NOL4: variants seen among roughly 807,000 people sequenced by gnomAD.
NOL4 encodes cancer/testis antigen 125.
A neutral mutation model predicts 75.9 loss-of-function variants in NOL4; 17 were observed. The ratio of observed to expected loss-of-function variants is 0.22; its 90% CI spans 0.15 to 0.34. The LOEUF (loss-of-function observed/expected upper bound fraction) is 0.34. Ranked by LOEUF, NOL4 falls within the 10% of genes least tolerant of loss-of-function variation. The pLI is 1.00. For missense variants in NOL4, 614 were observed against 793.5 expected, an observed-to-expected ratio of 0.77 and a Z score of 2.72; for synonymous variants, 292 against 289.9, an observed-to-expected ratio of 1.01 and a Z score of -0.07.
chr18:34,021,677 T>TA (rs2075046282), intron 5 of NOL4, among the ~76,000 whole-genome samples: 1 of 152,128 alleles, frequency 6.6e-6, no homozygotes, highest in Non-Finnish European at 1.5e-5. Context: ...TCATCTAATT[T>TA]GGCATATTTA....
chr18:34,205,152 G>A (rs2036032343), intron 1 of NOL4, among the ~76,000 whole-genome samples: 1 of 152,214 alleles, frequency 6.6e-6, no homozygotes, highest in African/African-American at 2.4e-5. Flanking sequence ...AGAATCCTAA[G>A]CTTTCAAGCT....
At chr18:34,217,583 G>A (rs1439904777) in intron 1 of NOL4, among the ~76,000 whole-genome samples, 2 of 152,032 alleles carry the variant, frequency 1.3e-5, no homozygotes, top group East Asian at 3.9e-4. Flanking sequence ...CACCGCGCTT[G>A]ACCTTGTATT....
rs186406371 is a variant in NOL4, at chr18:34,196,617, T to C, written c.264+26373A>G. 2.4e-4 allele frequency among the ~76,000 whole-genome samples: 36 copies of C among 152,244 alleles called. No individual in the cohort carries two copies. In the East Asian group the frequency reaches 5.6e-3, roughly 24 times the overall value. On this transcript the variant is annotated intron_variant, in intron 1 of 10. Transcript: ENST00000261592. Reference sequence around the variant, plus strand: ...TCTGAGAGGGTTTATTCACACTTTGTTAACTGCAAAACATGTATTTGCAGC... The same window carrying C: ...TCTGAGAGGGTTTATTCACACTTTGCTAACTGCAAAACATGTATTTGCAGC...
At chr18:34,026,487 C>T (rs936094720) in intron 5 of NOL4, among the ~76,000 whole-genome samples, 2 of 152,136 alleles carry the variant, frequency 1.3e-5, no homozygotes, top group Non-Finnish European at 2.9e-5. Flanking sequence ...TTATCAATTC[C>T]AGAGTTGCTT....
intron 5 of NOL4, among the ~76,000 whole-genome samples, chr18:34,034,588 A>C (rs1030692987): frequency 6.6e-6 from 1 of 152,068 alleles, no homozygotes; most frequent in African/African-American, 2.4e-5. Flanking sequence ...AAAATACAAA[A>C]ATCAGCTGGG....
intron 5 of NOL4, among the ~76,000 whole-genome samples, chr18:34,034,901 A>T (rs2075817720): frequency 6.6e-6 from 1 of 152,184 alleles, no homozygotes; most frequent in Admixed American, 6.5e-5. Flanking sequence ...CAGCTAGAGG[A>T]TATAAACATT....
chr18:34,173,610 T>C (rs1007724108), intron 1 of NOL4, among the ~76,000 whole-genome samples: 8 of 152,158 alleles, frequency 5.3e-5, no homozygotes, highest in Non-Finnish European at 1.2e-4. Flanking sequence ...AAGGAAAAAA[T>C]CAATTTCCCT....
chr18:33,913,996 C>A (rs1289147165), intron 9 of NOL4, among the ~76,000 whole-genome samples: 1 of 152,072 alleles, frequency 6.6e-6, no homozygotes, highest in Non-Finnish European at 1.5e-5. Flanking sequence ...ATAAACATAG[C>A]ACGAAGTGCC....
At chr18:33,873,910 C>A (rs975289902) in intron 10 of NOL4, among the ~76,000 whole-genome samples, 4 of 151,772 alleles carry the variant, frequency 2.6e-5, no homozygotes, top group African/African-American at 9.7e-5. Flanking sequence ...TAAACAGAAA[C>A]GGTATCTTAG....
intron 5 of NOL4, among the ~76,000 whole-genome samples, chr18:34,026,549 C>T (rs189055978): frequency 6.6e-6 from 1 of 152,270 alleles, no homozygotes; most frequent in Non-Finnish European, 1.5e-5. Context: ...GTAAATAGTG[C>T]CTAGTGTTAA....
At chr18:33,913,668 C>T (rs1007714237) in intron 9 of NOL4, among the ~76,000 whole-genome samples, 2 of 151,996 alleles carry the variant, frequency 1.3e-5, no homozygotes, top group Non-Finnish European at 2.9e-5. Flanking sequence ...TAGACATATC[C>T]AGGGTCACAC....
At chr18:33,881,178 G>A (rs1443424137) in intron 10 of NOL4, among the ~76,000 whole-genome samples, 1 of 151,034 alleles carries the variant, frequency 6.6e-6, no homozygotes, top group Non-Finnish European at 1.5e-5. Flanking sequence ...TCTGTTGCTG[G>A]TGTATAAGAA....
intron 9 of NOL4, among the ~76,000 whole-genome samples, chr18:33,942,537 A>G (rs1399871189): frequency 1.3e-5 from 2 of 151,924 alleles, no homozygotes; most frequent in Non-Finnish European, 2.9e-5. Flanking sequence ...ACAATAAATG[A>G]TTAATTAATG....
intron 5 of NOL4, among the ~76,000 whole-genome samples, chr18:34,092,372 T>C (rs1478268146): frequency 2.6e-5 from 4 of 152,196 alleles, no homozygotes; most frequent in Non-Finnish European, 5.9e-5. Flanking sequence ...AATCAATGCA[T>C]TCCTCATTTT....
At chr18:34,061,741 A>G (rs1242900517) in intron 5 of NOL4, among the ~76,000 whole-genome samples, 1 of 152,162 alleles carries the variant, frequency 6.6e-6, no homozygotes, top group African/African-American at 2.4e-5. Context: ...TCAGTTTATT[A>G]TAATATTTAC....
intron 10 of NOL4, among the ~76,000 whole-genome samples, chr18:33,879,321 T>A (rs2144619065): frequency 6.6e-6 from 1 of 152,174 alleles, no homozygotes; most frequent in South Asian, 2.1e-4. Flanking sequence ...ATTCCATGAA[T>A]GTTGGCATTC....
At chr18:33,979,950 G>A (rs762838686) in intron 6 of NOL4, among the ~76,000 whole-genome samples, 1 of 151,972 alleles carries the variant, frequency 6.6e-6, no homozygotes, top group Non-Finnish European at 1.5e-5. Context: ...GTATTTAAAT[G>A]CCACAAAATT....
At chr18:34,192,723 C>T (rs994850749) in intron 1 of NOL4, among the ~76,000 whole-genome samples, 3 of 152,178 alleles carry the variant, frequency 2.0e-5, no homozygotes, top group African/African-American at 7.2e-5. Context: ...TTCCAAAGCT[C>T]ACATGTTAGA....
At position 33,927,393 on chromosome 18, in the gene NOL4, A is replaced by C. The variant is rs141238030; in HGVS notation, c.1542+15672T>G. On this transcript the variant is annotated intron_variant, in intron 9 of 10. Coordinates refer to ENST00000261592, the MANE Select transcript of NOL4 (RefSeq NM_003787.5). ...GAAGCTATAGGTAAGGGCTCATAGA[A>C]AATAGCTTTGGAAAACTCCTAAAGC... Among the ~76,000 whole-genome samples, 516 of 152,302 alleles carry C rather than the reference A, an allele frequency of 3.4e-3. 3 individuals are homozygous for C. The highest frequency in any genetic ancestry group is 0.014 in the Middle Eastern group (4 of 294).
Sources: gnomAD v4.1 joint callset for allele counts (sites outside exome capture counted in the v4.1 genomes callset) on GRCh38, gnomAD v4.1.1 for gene constraint, MANE v1.5 for transcripts, NCBI Gene and HGNC (gene_info 2026-07-23, HGNC 2026-07-21) for gene names.